Variants in WWOX observed in about 807,000 individuals in gnomAD.
The protein encoded by WWOX is WW domain containing oxidoreductase, also known as WW domain-containing oxidoreductase.
WWOX carries 69 observed loss-of-function variants against 46.2 expected under a neutral mutation model. That is an observed-to-expected ratio of 1.49 (90% CI 1.23 to 1.82). The LOEUF (loss-of-function observed/expected upper bound fraction) is 1.82. Among genes scored for constraint, WWOX ranks in the 40% most tolerant of loss-of-function variants. The pLI is 0.00. For synonymous variants in WWOX, 359 were observed against 202.6 expected (o/e 1.77, Z -6.56); for missense variants, 919 against 542.6 (o/e 1.69, Z -6.89).
intron 5 of WWOX, among the ~76,000 whole-genome samples, chr16:78,287,159 A>C (rs2079782237): frequency 6.6e-6 from 1 of 152,278 alleles, no homozygotes; most frequent in Admixed American, 6.5e-5. Context: ...CAACGCCATA[A>C]GGACAATAAA....
intron 5 of WWOX, among the ~76,000 whole-genome samples, chr16:78,313,825 CTGTT>C (rs2080298807): frequency 6.6e-6 from 1 of 152,142 alleles, no homozygotes; most frequent in Admixed American, 6.5e-5. Context: ...TTGATCCTTC[CTGTT>C]TAAGGAGCTC....
intron 8 of WWOX, among the ~76,000 whole-genome samples, chr16:78,892,478 G>C (rs532789559): frequency 6.6e-6 from 1 of 152,308 alleles, no homozygotes; most frequent in African/African-American, 2.4e-5. Flanking sequence ...TGGAACGGTG[G>C]TCATGGACAG....
At chr16:78,825,821 G>A (rs1268448061) in intron 8 of WWOX, 2 of 595,286 alleles carry the variant, frequency 3.4e-6, no homozygotes, top group Admixed American at 2.3e-5. Context: ...GGGTTTTCTG[G>A]GCATCAAGGT....
intron 8 of WWOX, among the ~76,000 whole-genome samples, chr16:78,990,339 C>A (rs1473606705): frequency 6.6e-6 from 1 of 152,148 alleles, no homozygotes; most frequent in Non-Finnish European, 1.5e-5. Flanking sequence ...CAAGATCCTC[C>A]TTGTGCCTTG....
intron 6 of WWOX, among the ~76,000 whole-genome samples, chr16:78,403,127 G>T (rs1431257122): frequency 6.6e-6 from 1 of 152,224 alleles, no homozygotes; most frequent in Non-Finnish European, 1.5e-5. Context: ...TGGCAAGGGA[G>T]ATGTACAAAA....
At chr16:78,330,896 T>C (rs779028172) in intron 5 of WWOX, among the ~76,000 whole-genome samples, 4 of 152,250 alleles carry the variant, frequency 2.6e-5, no homozygotes, top group Admixed American at 6.5e-5. Flanking sequence ...CATGTTCTTA[T>C]TTTCAATACA....
intron 8 of WWOX, among the ~76,000 whole-genome samples, chr16:79,128,630 T>C (rs2049811000): frequency 6.6e-6 from 1 of 152,168 alleles, no homozygotes; most frequent in Non-Finnish European, 1.5e-5. Context: ...GTCTGGGCAT[T>C]TATTTCCAAA....
At chr16:78,653,159 TAAA>T (rs1182651123) in intron 8 of WWOX, among the ~76,000 whole-genome samples, 1 of 152,096 alleles carries the variant, frequency 6.6e-6, no homozygotes, top group Non-Finnish European at 1.5e-5. Context: ...GATATATAAT[TAAA>T]AAAACAAGAA....
At chr16:78,848,885 C>T (rs538873998) in intron 8 of WWOX, among the ~76,000 whole-genome samples, 9 of 151,928 alleles carry the variant, frequency 5.9e-5, no homozygotes, top group Non-Finnish European at 1.2e-4. Flanking sequence ...CTATTTAGCC[C>T]AGTTTTTATC....
chr16:79,092,390 TA>T (rs1281209691), intron 8 of WWOX, among the ~76,000 whole-genome samples: 3 of 152,206 alleles, frequency 2.0e-5, no homozygotes, highest in African/African-American at 4.8e-5. Flanking sequence ...TTAATATTAA[TA>T]AAGCCAGAGG....
At chr16:78,597,238 T>G (rs1006610968) in intron 8 of WWOX, among the ~76,000 whole-genome samples, 3 of 152,208 alleles carry the variant, frequency 2.0e-5, no homozygotes, top group South Asian at 2.1e-4. Flanking sequence ...AGGTGCTGTT[T>G]CCATTGCTTT....
chr16:78,581,377 G>A (rs899442449), intron 8 of WWOX, among the ~76,000 whole-genome samples: 1 of 152,110 alleles, frequency 6.6e-6, no homozygotes. Context: ...CATATGAATA[G>A]ATAATACAGA....
At chr16:78,609,476 G>GA (rs770685251) in intron 8 of WWOX, among the ~76,000 whole-genome samples, 259 of 139,410 alleles carry the variant, frequency 1.9e-3, no homozygotes, top group African/African-American at 4.2e-3. Flanking sequence ...ACTTAAAAAA[G>GA]AAAAAAAAAA....
chr16:78,912,026 G>A (rs1328585515), intron 8 of WWOX, among the ~76,000 whole-genome samples: 1 of 151,992 alleles, frequency 6.6e-6, no homozygotes, highest in African/African-American at 2.4e-5. Flanking sequence ...CAGTATATTG[G>A]CCTCCAGGGC....
At chr16:79,146,206 A>G (rs1254463009) in intron 8 of WWOX, among the ~76,000 whole-genome samples, 1 of 152,248 alleles carries the variant, frequency 6.6e-6, no homozygotes, top group Non-Finnish European at 1.5e-5. Flanking sequence ...TACCTTGAAT[A>G]TAATGCAGAG....
intron 8 of WWOX, among the ~76,000 whole-genome samples, chr16:78,507,857 T>C (rs183639348): frequency 2.0e-5 from 3 of 152,282 alleles, no homozygotes; most frequent in Admixed American, 1.3e-4. Context: ...GTCCAACCCA[T>C]GGCCCCCGGG....
intron 5 of WWOX, among the ~76,000 whole-genome samples, chr16:78,327,155 A>G (rs1230659253): frequency 6.6e-6 from 1 of 152,160 alleles, no homozygotes; most frequent in Non-Finnish European, 1.5e-5. Context: ...AGGCCATCCA[A>G]GCCCAGAGTT....
chr16:78,538,671 C>T (rs1383336786), intron 8 of WWOX, among the ~76,000 whole-genome samples: 1 of 152,186 alleles, frequency 6.6e-6, no homozygotes, highest in East Asian at 1.9e-4. Flanking sequence ...TAGAATTTTT[C>T]ATAACCCTTT....
At chr16:78,976,048 G>T (rs914179902) in intron 8 of WWOX, among the ~76,000 whole-genome samples, 1 of 152,150 alleles carries the variant, frequency 6.6e-6, no homozygotes, top group African/African-American at 2.4e-5. Flanking sequence ...CCAGCGCCCC[G>T]CTCTGGGCTC....
Sources: gnomAD v4.1 joint callset for allele counts (sites outside exome capture counted in the v4.1 genomes callset) on GRCh38, gnomAD v4.1.1 for gene constraint, MANE v1.5 for transcripts, NCBI Gene and HGNC (gene_info 2026-07-23, HGNC 2026-07-21) for gene names.